UFM1: variants seen among roughly 807,000 people sequenced by gnomAD.
The protein encoded by UFM1 is ubiquitin fold modifier 1.
UFM1 carries 9 observed loss-of-function variants against 15.4 expected under a neutral mutation model. That is an observed-to-expected ratio of 0.59 (90% CI 0.35 to 1.02). The LOEUF is 1.02. Among genes scored for constraint, UFM1 ranks in the 50% least tolerant of loss-of-function variants. The pLI is 0.02. For synonymous variants in UFM1, 27 were observed against 36.3 expected, an observed-to-expected ratio of 0.74 and a Z score of 0.92; for missense variants, 98 against 104.7, an observed-to-expected ratio of 0.94 and a Z score of 0.28.
Position 38,350,351 on chromosome 13 carries a change from G to A in UFM1, c.59+296G>A, listed in dbSNP as rs1315172735. On this transcript the variant is annotated intron_variant, in intron 2 of 5. Coordinates refer to ENST00000239878, the MANE Select transcript of UFM1 (RefSeq NM_016617.4). ...GTGGGCAGGTGGCGCGGGAGGACAG[G>A]TGGACCAGGTTCTGGTAATTTGTTG... 26 of 1,005,360 alleles carry A rather than the reference G, an allele frequency of 2.6e-5. No homozygotes were observed. In the East Asian group the frequency reaches 6.0e-4, roughly 23 times the overall value. 62.3% of individuals were successfully genotyped at this position (1,005,360 alleles called of 1,614,324 possible).
At chr13:38,353,636 A>G (rs1878962943) in intron 2 of UFM1, among the ~76,000 whole-genome samples, 1 of 152,058 alleles carries the variant, frequency 6.6e-6, no homozygotes, top group Non-Finnish European at 1.5e-5. Context: ...GTTATTTCAC[A>G]TTTTACTTAG....
At chr13:38,353,579 G>A (rs1878960522) in intron 2 of UFM1, among the ~76,000 whole-genome samples, 1 of 151,600 alleles carries the variant, frequency 6.6e-6, no homozygotes, top group African/African-American at 2.4e-5. Flanking sequence ...TAAAATACTT[G>A]CCGTTATATG....
Position 38,363,229 on chromosome 13 carries a change from ATGTT to A in UFM1, c.*2454_*2457del, listed in dbSNP as rs1879504893. The A allele has an allele frequency of 6.6e-6, 1 of 152,144 alleles. No homozygotes were observed. Among genetic ancestry groups the A allele is most frequent in the Admixed American group, 6.5e-5 (1 of 15,280 alleles). 9.4% of individuals were successfully genotyped at this position (152,144 alleles called of 1,614,324 possible). On this transcript the variant is annotated 3_prime_UTR_variant, in exon 6 of 6. Transcript: ENST00000239878. ...ACTATATTTTTACTGTGCTTTATCT[ATGTT>A]TGGATACACAAGTACTTACCATCAT... is the stretch of plus-strand genomic sequence containing the variant.
rs1347102768 is a variant in UFM1, at chr13:38,361,013, A to G, written c.*235A>G. ...TCATAGTCTTTGATGCTACCTCACA[A>G]CACAAACAGGTAGTTCGTTGGGGGC... On this transcript the variant is annotated 3_prime_UTR_variant, in exon 6 of 6. Coordinates refer to ENST00000239878, the MANE Select transcript of UFM1 (RefSeq NM_016617.4). 2.0e-5 allele frequency: 7 copies of G among 357,588 alleles called. No individual in the cohort carries two copies. Among genetic ancestry groups the G allele is most frequent in the Non-Finnish European group, 2.5e-5 (5 of 198,874 alleles). The allele number at this position is 357,588 out of a possible 1,614,324, so 22.2% of individuals were successfully genotyped here.
intron 2 of UFM1, among the ~76,000 whole-genome samples, chr13:38,351,039 A>G (rs1432697723): frequency 6.6e-6 from 1 of 152,182 alleles, no homozygotes; most frequent in African/African-American, 2.4e-5. Context: ...ATAATTTCTC[A>G]TCTACAACGT....
intron 2 of UFM1, chr13:38,350,262 C>T (rs769318522): frequency 1.3e-6 from 2 of 1,572,892 alleles, no homozygotes; most frequent in South Asian, 2.3e-5. Flanking sequence ...AGCTTGGCAG[C>T]TTGGCCCCGT....
chr13:38,355,394 AC>A (rs1450143140), intron 3 of UFM1, among the ~76,000 whole-genome samples: 1 of 152,038 alleles, frequency 6.6e-6, no homozygotes, highest in East Asian at 1.9e-4. Flanking sequence ...CATTGTCATT[AC>A]TTTTTGCTGC....
chr13:38,358,156 G>T (rs1318061397), intron 4 of UFM1, 24 bp downstream of exon 4: 12 of 1,385,514 alleles, frequency 8.7e-6, no homozygotes, highest in Non-Finnish European at 1.2e-5. Flanking sequence ...ATAAAATTAT[G>T]TATTACCTCA....
chr13:38,359,254 T>C, intron 4 of UFM1, 47 bp from the exon 5 acceptor site: 1 of 1,587,462 alleles, frequency 6.3e-7, no homozygotes, highest in Non-Finnish European at 8.6e-7. Flanking sequence ...TATTTAACCA[T>C]TTTAGCTTTA....
intron 3 of UFM1, among the ~76,000 whole-genome samples, chr13:38,355,075 C>T (rs890435587): frequency 9.2e-5 from 14 of 151,922 alleles, no homozygotes; most frequent in Non-Finnish European, 4.4e-5. Flanking sequence ...TAAACAGGTA[C>T]GTTGTAACCC....
At chr13:38,359,005 T>A (rs528665873) in intron 4 of UFM1, among the ~76,000 whole-genome samples, 1 of 152,184 alleles carries the variant, frequency 6.6e-6, no homozygotes, top group South Asian at 2.1e-4. Context: ...GGACAAACAT[T>A]ATTTTTAATT....
chr13:38,361,383 A>G lies in UFM1; in HGVS notation c.*605A>G, dbSNP rs1879379316. ...AAATTTTAATCTAACCCTTATGTGT[A>G]TAAATTGGTGTCCCATACCAGCTTT... On this transcript the variant is annotated 3_prime_UTR_variant, in exon 6 of 6. Transcript: ENST00000239878. 6.6e-6 allele frequency: 1 copy of G among 152,178 alleles called. No individual in the cohort carries two copies. The highest frequency in any genetic ancestry group is 2.4e-5 in the African/African-American group (1 of 41,444). The allele number at this position is 152,178 out of a possible 1,614,324, so 9.4% of individuals were successfully genotyped here.
At position 38,360,621 on chromosome 13, in the gene UFM1, C is replaced by T. The variant is rs1373372745; in HGVS notation, c.191-90C>T. 8.7e-6 allele frequency: 9 copies of T among 1,029,046 alleles called. No homozygotes were observed. The South Asian group carries it at 1.0e-4, about 12-fold the overall frequency. The allele number at this position is 1,029,046 out of a possible 1,614,324, so 63.7% of individuals were successfully genotyped here. On this transcript the variant is annotated intron_variant, in intron 5 of 5. Transcript: ENST00000239878. The stretch of plus-strand genomic sequence containing the variant: ...GCTTTTGTACCCATTTTACTGTTTA[C>T]TAAATCATTTATTATATTTAATAAT...
At chr13:38,357,108 A>G (rs988055078) in intron 3 of UFM1, among the ~76,000 whole-genome samples, 2 of 151,836 alleles carry the variant, frequency 1.3e-5, no homozygotes, top group Non-Finnish European at 2.9e-5. Flanking sequence ...TCTAGGTAAC[A>G]TCATCTACAC....
rs760940461 is a variant in UFM1 at position 38,354,260 on chromosome 13, A to C, written c.81A>C (p.Thr27=). The change falls in exon 3 of 6, where the codon ACA becomes ACC. Residue 27 remains threonine (T), a synonymous_variant. Transcript: ENST00000239878. The stretch of plus-strand genomic sequence containing the variant: ...GCAGACTCAGTGTTCCTGAAAGTAC[A>C]CCTTTCACAGCAGTCTTAAAGTTTG... ...PYKVLSVPES[T]PFTAVLKFAA... 6.2e-7 allele frequency: 1 copy of C among 1,610,142 alleles called. No homozygotes were observed. The highest frequency in any genetic ancestry group is 2.2e-5 in the East Asian group (1 of 44,740).
intron 5 of UFM1, chr13:38,360,115 G>T: frequency 3.0e-6 from 1 of 330,978 alleles, no homozygotes; most frequent in Non-Finnish European, 5.9e-6. Flanking sequence ...TTCAGTAGTT[G>T]TTAATATATA....
In UFM1 at chr13:38,363,422, C is replaced by G. The variant is rs529871982; in HGVS notation, c.*2644C>G. The stretch of plus-strand genomic sequence containing the variant: ...ATAGTGACAAAATTGCCTAAGGAAG[C>G]ATTTCTCAGAATTTGTTCCTGTGAT... On this transcript the variant is annotated 3_prime_UTR_variant, in exon 6 of 6. Coordinates refer to ENST00000239878, the MANE Select transcript of UFM1 (RefSeq NM_016617.4). The G allele has an allele frequency of 6.6e-6, 1 of 150,948 alleles. No homozygotes were observed. Among genetic ancestry groups the G allele is most frequent in the African/African-American group, 2.4e-5 (1 of 41,070 alleles). The allele number at this position is 150,948 out of a possible 1,614,324, so 9.4% of individuals were successfully genotyped here.
chr13:38,350,310 C>A, intron 2 of UFM1: 1 of 1,407,802 alleles, frequency 7.1e-7, no homozygotes, highest in South Asian at 1.2e-5. Flanking sequence ...AGTGACCTCC[C>A]CTCGGAATTC....
chr13:38,356,724 C>T (rs1879115139), intron 3 of UFM1, among the ~76,000 whole-genome samples: 1 of 134,256 alleles, frequency 7.4e-6, no homozygotes, highest in Admixed American at 7.6e-5. Flanking sequence ...AAAAAAACTT[C>T]ATGAAGAACA....
Sources: allele counts gnomAD v4.1 joint callset (sites outside exome capture counted in the v4.1 genomes callset), GRCh38; gene constraint gnomAD v4.1.1; transcripts MANE v1.5; gene names NCBI Gene and HGNC (gene_info 2026-07-23, HGNC 2026-07-21).